The following TEX36 variants were observed in gnomAD, a reference collection of about 807,000 sequenced individuals.
The protein encoded by TEX36 is testis expressed 36.
A neutral mutation model predicts 13.6 loss-of-function variants in TEX36; 12 were observed. The observed-to-expected ratio is 0.88, with a 90% CI of 0.56 to 1.43. The LOEUF (loss-of-function observed/expected upper bound fraction) is 1.43. TEX36 is among the 40% of genes most tolerant of loss of function. The probability of loss-of-function intolerance (pLI) is 0.00; values close to 1 mark genes in which losing one functional copy is unlikely to be tolerated. For missense variants in TEX36, 224 were observed against 228.3 expected, an observed-to-expected ratio of 0.98 and a Z score of 0.12; for synonymous variants, 93 against 83.0, an observed-to-expected ratio of 1.12 and a Z score of -0.65.
At chr10:125,645,063 C>A (rs963032606) in intron 3 of TEX36, among the ~76,000 whole-genome samples, 7 of 152,136 alleles carry the variant, frequency 4.6e-5, no homozygotes, top group Non-Finnish European at 2.9e-5. Context: ...TGAAAGAGAA[C>A]CCCTGGCATC....
chr10:125,585,683 C>T (rs1029668204), intron 3 of TEX36, among the ~76,000 whole-genome samples: 4 of 152,168 alleles, frequency 2.6e-5, no homozygotes, highest in African/African-American at 4.8e-5. Flanking sequence ...TTTCTGGGTT[C>T]CCCCACAAAA....
chr10:125,581,796 C>T (rs954660842), intron 3 of TEX36, among the ~76,000 whole-genome samples: 1 of 152,192 alleles, frequency 6.6e-6, no homozygotes, highest in African/African-American at 2.4e-5. Context: ...GGTGGTCTCT[C>T]AACCTTATCT....
intron 1 of TEX36, chr10:125,667,963 G>A (rs879141447): frequency 1.1e-6 from 1 of 936,182 alleles, no homozygotes; most frequent in African/African-American, 1.6e-5. Flanking sequence ...TGCTGGTGGT[G>A]GCAAGTTCCA....
intron 3 of TEX36, among the ~76,000 whole-genome samples, chr10:125,623,009 C>T (rs1039696857): frequency 1.3e-5 from 2 of 152,176 alleles, no homozygotes; most frequent in Non-Finnish European, 2.9e-5. Flanking sequence ...TAGTGGATCA[C>T]TAGAGGTGAT....
chr10:125,611,916 C>G (rs1289442965), intron 3 of TEX36, among the ~76,000 whole-genome samples: 3 of 151,862 alleles, frequency 2.0e-5, no homozygotes, highest in Admixed American at 6.6e-5. Context: ...TAAAATGCCT[C>G]CTGAATGCCA....
chr10:125,605,088 A>T (rs181475972), intron 3 of TEX36, among the ~76,000 whole-genome samples: 1 of 152,324 alleles, frequency 6.6e-6, no homozygotes, highest in African/African-American at 2.4e-5. Flanking sequence ...CCTGGTGCCC[A>T]AAAGGTTGGG....
rs193297216 is a variant in TEX36, at chr10:125,666,064, T to C, written c.52-4087A>G. ...TTTTGTATCCTGCAACTTTACTGAATATATTTATCAGATCTAAGTGGGGTT... is the reference window on the plus strand; with the variant it reads ...TTTTGTATCCTGCAACTTTACTGAACATATTTATCAGATCTAAGTGGGGTT... On this transcript the variant is annotated intron_variant, in intron 1 of 3. Transcript: ENST00000368821. 9.8e-5 allele frequency among the ~76,000 whole-genome samples: 15 copies of C among 152,354 alleles called. No individual in the cohort carries two copies. In the East Asian group the frequency reaches 2.9e-3, roughly 29 times the overall value.
intron 1 of TEX36, among the ~76,000 whole-genome samples, chr10:125,663,756 A>G (rs1325723946): frequency 6.6e-6 from 1 of 152,150 alleles, no homozygotes; most frequent in Non-Finnish European, 1.5e-5. Flanking sequence ...TTTATGGGGT[A>G]CATAAGATAT....
In TEX36 at chr10:125,656,216, G is replaced by A. The variant is rs2133590369; in HGVS notation, c.265-20C>T. ...CAGGCCCTGGAGAGAAGAATTACAAGATTCGAAGGAAAATATTCAAGTTCA... is the reference window on the plus strand; with the variant it reads ...CAGGCCCTGGAGAGAAGAATTACAAAATTCGAAGGAAAATATTCAAGTTCA... On this transcript the variant is annotated intron_variant, in intron 3 of 3. Coordinates refer to ENST00000368821, the MANE Select transcript of TEX36 (RefSeq NM_001128202.3). The A allele has an allele frequency of 3.6e-6, 3 of 826,320 alleles. No homozygotes were observed. The highest frequency in any genetic ancestry group is 4.2e-5 in the South Asian group (2 of 47,956). 51.2% of individuals were successfully genotyped at this position (826,320 alleles called of 1,614,324 possible).
At chr10:125,585,882 C>G (rs1387403754) in intron 3 of TEX36, among the ~76,000 whole-genome samples, 1 of 152,232 alleles carries the variant, frequency 6.6e-6, no homozygotes, top group Non-Finnish European at 1.5e-5. Flanking sequence ...GTTAAGCTGT[C>G]TTTGTCAGTT....
At chr10:125,622,719 T>A (rs868092662) in intron 3 of TEX36, among the ~76,000 whole-genome samples, 7 of 152,196 alleles carry the variant, frequency 4.6e-5, no homozygotes, top group Admixed American at 2.6e-4. Context: ...CCCAGAGGGA[T>A]CTCATGTGCT....
downstream of TEX36, among the ~76,000 whole-genome samples, chr10:125,617,215 A>T (rs1443428422): frequency 4.0e-5 from 6 of 151,732 alleles, no homozygotes. Flanking sequence ...AATACAGCAC[A>T]CTGATGGGTC....
rs201334357 is a variant in TEX36 at position 125,641,018 on chromosome 10, GA to G, written c.265-19374del. Among the ~76,000 whole-genome samples, 855 of 147,666 alleles carry G rather than the reference GA, an allele frequency of 5.8e-3. 12 individuals are homozygous for G. Among genetic ancestry groups the G allele is most frequent in the African/African-American group, 0.02 (813 of 39,840 alleles). On this transcript the variant is annotated intron_variant, in intron 3 of 3. Transcript: ENST00000526819. ...ATATGGGACCAATTTTTCTGTAGGT[GA>G]AAAAAAAAATTTAATTGGGATGAAA...
chr10:125,617,052 T>C (rs1846369494), downstream of TEX36, among the ~76,000 whole-genome samples: 1 of 152,228 alleles, frequency 6.6e-6, no homozygotes, highest in Admixed American at 6.5e-5. Flanking sequence ...GCCTTCTTTG[T>C]CTCTTTTGAT....
At chr10:125,621,644 A>G (rs919102456) in exon 4 of TEX36, 6 of 455,906 alleles carry the variant, frequency 1.3e-5, no homozygotes, top group African/African-American at 1.0e-4. Context: ...GCCATCTGCA[A>G]ACTGGGAAAG....
At position 125,602,854 on chromosome 10, in the gene TEX36, G is replaced by A. The variant is rs77736758; in HGVS notation, c.265-25980C>T. Among the ~76,000 whole-genome samples the A allele has an allele frequency of 4.1e-3, 631 of 152,212 alleles. 3 individuals are homozygous for A. Among genetic ancestry groups the A allele is most frequent in the African/African-American group, 0.011 (474 of 41,520 alleles). On this transcript the variant is annotated intron_variant, in intron 3 of 3. Coordinates refer to the TEX36 transcript ENST00000532135. ...TTTGTATCCTTTCCATGGAATACTC[G>A]TTAAGAATACATCAAACGCATGCGG... is the stretch of plus-strand genomic sequence containing the variant.
chr10:125,601,956 G>A (rs1589749526), intron 3 of TEX36, among the ~76,000 whole-genome samples: 1 of 152,314 alleles, frequency 6.6e-6, no homozygotes, highest in Admixed American at 6.5e-5. Flanking sequence ...TGCTCTTGCT[G>A]CTCTGCCAAA....
chr10:125,664,985 C>T (rs9422919), intron 1 of TEX36, among the ~76,000 whole-genome samples: 2,630 of 152,242 alleles, frequency 0.017, 73 homozygotes, highest in African/African-American at 0.059. Context: ...GAGCACCTTT[C>T]CATATACCTG....
intron 1 of TEX36, among the ~76,000 whole-genome samples, chr10:125,665,721 G>T (rs1220725017): frequency 6.6e-6 from 1 of 151,912 alleles, no homozygotes; most frequent in Admixed American, 6.5e-5. Context: ...TTTTAAGATT[G>T]TTTTTTCTAA....
Sources: allele counts gnomAD v4.1 joint callset (sites outside exome capture counted in the v4.1 genomes callset), GRCh38; gene constraint gnomAD v4.1.1; transcripts MANE v1.5; gene names NCBI Gene and HGNC (gene_info 2026-07-23, HGNC 2026-07-21).